Variants in NTRK3 observed in about 807,000 individuals in gnomAD.
NTRK3 encodes neurotrophic receptor tyrosine kinase 3, also known as NT-3 growth factor receptor.
A neutral mutation model predicts 91.7 loss-of-function variants in NTRK3; 24 were observed. That is an observed-to-expected ratio of 0.26 (90% CI 0.19 to 0.37). The LOEUF is 0.37. Among genes scored for constraint, NTRK3 ranks in the 10% least tolerant of loss-of-function variants. The pLI, the probability that NTRK3 is intolerant of heterozygous loss-of-function variation, is 1.00. For synonymous variants in NTRK3, 483 were observed against 404.0 expected, an observed-to-expected ratio of 1.20 and a Z score of -2.34; for missense variants, 880 against 1,068.9, an observed-to-expected ratio of 0.82 and a Z score of 2.46.
rs543345851 is a variant in NTRK3, at chr15:87,930,582, G to A, written c.1890-1148C>T. On this transcript the variant is annotated intron_variant, in intron 16 of 18. Coordinates refer to ENST00000394480, the Ensembl canonical transcript of NTRK3. The stretch of plus-strand genomic sequence containing the variant: ...CTGTCTGCCTGGAGAGTGCACTCCA[G>A]CCTGCCTCTCAACACCACCAATATG... 7.9e-5 allele frequency among the ~76,000 whole-genome samples: 12 copies of A among 152,268 alleles called. No homozygotes were observed. The South Asian group carries it at 2.5e-3, about 32-fold the overall frequency.
At chr15:87,963,266 G>A in intron 14 of NTRK3, among the ~76,000 whole-genome samples, 1 of 152,158 alleles carries the variant, frequency 6.6e-6, no homozygotes, top group East Asian at 1.9e-4. Flanking sequence ...TAACCACCAA[G>A]AGTACCTAAA....
intron 3 of NTRK3, among the ~76,000 whole-genome samples, chr15:88,207,589 C>G (rs548239519): frequency 6.6e-6 from 1 of 152,200 alleles, no homozygotes; most frequent in Non-Finnish European, 1.5e-5. Context: ...GAGCTTTTTT[C>G]TCTGGAGAAG....
intron 13 of NTRK3, among the ~76,000 whole-genome samples, chr15:88,068,101 G>A (rs1177390636): frequency 6.6e-6 from 1 of 152,120 alleles, no homozygotes; most frequent in Non-Finnish European, 1.5e-5. Context: ...CTTTCTTTAA[G>A]TGATACAAGA....
chr15:87,984,309 T>C (rs2074548788), intron 14 of NTRK3, among the ~76,000 whole-genome samples: 1 of 152,164 alleles, frequency 6.6e-6, no homozygotes, highest in South Asian at 2.1e-4. Flanking sequence ...CATAGACACA[T>C]GTCTCTTGCT....
chr15:88,010,000 A>G (rs547521091), intron 14 of NTRK3, among the ~76,000 whole-genome samples: 24 of 152,260 alleles, frequency 1.6e-4, no homozygotes, highest in Non-Finnish European at 2.9e-4. Flanking sequence ...TCTTCTTCCA[A>G]ATGATTAGAT....
At chr15:88,143,236 A>T (rs904883216) in intron 6 of NTRK3, among the ~76,000 whole-genome samples, 1 of 152,146 alleles carries the variant, frequency 6.6e-6, no homozygotes, top group Non-Finnish European at 1.5e-5. Flanking sequence ...TATAAAATGA[A>T]ATAGAAAAAG....
chr15:87,937,987 T>C (rs1400820251), intron 15 of NTRK3, among the ~76,000 whole-genome samples: 1 of 147,920 alleles, frequency 6.8e-6, no homozygotes, highest in Non-Finnish European at 1.5e-5. Context: ...AAAGGAAAAA[T>C]GGGGAGAAGG....
intron 14 of NTRK3, among the ~76,000 whole-genome samples, chr15:87,958,761 C>T (rs1198276031): frequency 6.6e-6 from 1 of 152,046 alleles, no homozygotes; most frequent in Non-Finnish European, 1.5e-5. Context: ...GCAGGGGTCT[C>T]CCAAACTGAG....
chr15:87,896,799 A>G (rs2066150948), intron 17 of NTRK3, among the ~76,000 whole-genome samples: 1 of 152,206 alleles, frequency 6.6e-6, no homozygotes, highest in African/African-American at 2.4e-5. Flanking sequence ...ACTTTTCTAC[A>G]GTGACATCAG....
At chr15:88,164,239 C>T (rs752132644) in intron 5 of NTRK3, among the ~76,000 whole-genome samples, 9 of 152,186 alleles carry the variant, frequency 5.9e-5, no homozygotes, top group Non-Finnish European at 1.2e-4. Context: ...GGGCTGCAGC[C>T]GGGCTGGCCA....
intron 5 of NTRK3, among the ~76,000 whole-genome samples, chr15:88,160,840 G>A (rs980796089): frequency 2.6e-5 from 4 of 152,182 alleles, no homozygotes; most frequent in African/African-American, 9.7e-5. Flanking sequence ...AAAGCATTTA[G>A]GGGAGAGGTA....
At chr15:87,985,391 C>T (rs929147395) in intron 14 of NTRK3, among the ~76,000 whole-genome samples, 4 of 152,176 alleles carry the variant, frequency 2.6e-5, no homozygotes, top group Non-Finnish European at 5.9e-5. Flanking sequence ...GGGGGAATAA[C>T]TGGACCCAAA....
chr15:88,215,741 T>C (rs1326160615), intron 3 of NTRK3, among the ~76,000 whole-genome samples: 1 of 152,240 alleles, frequency 6.6e-6, no homozygotes, highest in Admixed American at 6.5e-5. Context: ...AGGGAGAGAA[T>C]TGACACTGGG....
chr15:88,250,167 T>A (rs1318045908), intron 3 of NTRK3, among the ~76,000 whole-genome samples: 1 of 152,184 alleles, frequency 6.6e-6, no homozygotes, highest in Non-Finnish European at 1.5e-5. Context: ...GTAGTCCTAA[T>A]GTCTGGCTGA....
chr15:88,120,713 C>G (rs16941293), intron 13 of NTRK3, among the ~76,000 whole-genome samples: 40,065 of 152,208 alleles, frequency 0.26, 5,693 homozygotes, highest in African/African-American at 0.34. Flanking sequence ...ATTTAAGTGG[C>G]ACAGCATTCA....
At chr15:87,996,707 G>C (rs1362547564) in intron 14 of NTRK3, among the ~76,000 whole-genome samples, 2 of 152,210 alleles carry the variant, frequency 1.3e-5, no homozygotes, top group East Asian at 3.9e-4. Flanking sequence ...CCTGAGGCAA[G>C]CCACTTGCTA....
At chr15:87,947,207 C>T (rs756283128) in intron 14 of NTRK3, among the ~76,000 whole-genome samples, 6 of 152,040 alleles carry the variant, frequency 3.9e-5, no homozygotes, top group Admixed American at 1.3e-4. Context: ...CAATATGTTG[C>T]TGTCCCCGTG....
intron 13 of NTRK3, among the ~76,000 whole-genome samples, chr15:88,067,564 AGCAGTGCTT>A (rs1277576387): frequency 1.1e-4 from 16 of 152,342 alleles, no homozygotes; most frequent in South Asian, 1.0e-3. Flanking sequence ...GGGTCAGAGC[AGCAGTGCTT>A]GTTCAGCAGA....
intron 13 of NTRK3, among the ~76,000 whole-genome samples, chr15:88,092,067 GC>G: frequency 6.6e-6 from 1 of 152,318 alleles, no homozygotes; most frequent in Non-Finnish European, 1.5e-5. Flanking sequence ...TGGCTCTGAA[GC>G]CCACTTCTGC....
Sources: gnomAD v4.1 joint callset for allele counts (sites outside exome capture counted in the v4.1 genomes callset) on GRCh38, gnomAD v4.1.1 for gene constraint, MANE v1.5 for transcripts, NCBI Gene and HGNC (gene_info 2026-07-23, HGNC 2026-07-21) for gene names.